The following KIAA1958 variants were observed in gnomAD, a reference collection of about 807,000 sequenced individuals.
KIAA1958 encodes uncharacterized protein KIAA1958.
KIAA1958 carries 14 observed loss-of-function variants against 47.2 expected under a neutral mutation model. The observed-to-expected ratio is 0.30, with a 90% CI of 0.20 to 0.46. The LOEUF is 0.46. Among genes scored for constraint, KIAA1958 ranks in the 20% least tolerant of loss-of-function variants. The pLI is 1.00. For synonymous variants in KIAA1958, 354 were observed against 353.3 expected (o/e 1.00, Z -0.02); for missense variants, 803 against 909.2 (o/e 0.88, Z 1.50).
At chr9:112,596,154 C>T (rs891034837) in intron 2 of KIAA1958, among the ~76,000 whole-genome samples, 1 of 151,970 alleles carries the variant, frequency 6.6e-6, no homozygotes, top group African/African-American at 2.4e-5. Context: ...GTGAAATGAC[C>T]GATTATAGTT....
At chr9:112,620,282 A>C (rs191587944) in intron 2 of KIAA1958, among the ~76,000 whole-genome samples, 1 of 152,362 alleles carries the variant, frequency 6.6e-6, no homozygotes, top group East Asian at 1.9e-4. Flanking sequence ...CAACACACAG[A>C]AACTCCAAAT....
chr9:112,596,898 C>G (rs1479833190), intron 2 of KIAA1958, among the ~76,000 whole-genome samples: 7 of 152,042 alleles, frequency 4.6e-5, no homozygotes, highest in Non-Finnish European at 1.5e-5. Flanking sequence ...TTGATCCTTA[C>G]TGATTAATAT....
chr9:112,573,969 A>C (rs1284941325), intron 1 of KIAA1958, 88 bp from the exon 2 acceptor site: 7 of 690,844 alleles, frequency 1.0e-5, no homozygotes, highest in African/African-American at 1.8e-5. Context: ...TTTATGCCAA[A>C]TGATCATATT....
Position 112,508,970 on chromosome 9 carries a change from T to G in KIAA1958, c.-25+21852T>G, listed in dbSNP as rs527737478. Among the ~76,000 whole-genome samples, 295 of 152,324 alleles carry G rather than the reference T, an allele frequency of 1.9e-3. 1 individual carries two copies. The highest frequency in any genetic ancestry group is 3.3e-3 in the Non-Finnish European group (225 of 68,028). On this transcript the variant is annotated intron_variant, in intron 1 of 3. Coordinates refer to ENST00000337530, the MANE Select transcript of KIAA1958 (RefSeq NM_133465.4). Reference sequence around the variant, plus strand: ...TTTATAGTCATTTCAGAAAGAAAATTATTTGATAAAGAAGATACTAAAACA... The same window carrying G: ...TTTATAGTCATTTCAGAAAGAAAATGATTTGATAAAGAAGATACTAAAACA...
At chr9:112,654,282 G>A (rs1041570585) in intron 3 of KIAA1958, among the ~76,000 whole-genome samples, 6 of 152,258 alleles carry the variant, frequency 3.9e-5, no homozygotes, top group African/African-American at 1.2e-4. Context: ...TTCAGGAACC[G>A]TTCCTCTCTT....
chr9:112,656,867 A>T (rs1417871853), intron 3 of KIAA1958, among the ~76,000 whole-genome samples: 1 of 152,118 alleles, frequency 6.6e-6, no homozygotes, highest in African/African-American at 2.4e-5. Flanking sequence ...TGTATAAAGT[A>T]TGTGATGTTC....
chr9:112,624,640 A>G (rs1314996732), intron 2 of KIAA1958, among the ~76,000 whole-genome samples: 1 of 152,220 alleles, frequency 6.6e-6, no homozygotes, highest in African/African-American at 2.4e-5. Flanking sequence ...CTGTTTGTAA[A>G]TTGACCAGTT....
At chr9:112,570,278 G>T (rs1397050173) in intron 1 of KIAA1958, among the ~76,000 whole-genome samples, 1 of 152,152 alleles carries the variant, frequency 6.6e-6, no homozygotes, top group African/African-American at 2.4e-5. Flanking sequence ...TTTTCTGCTG[G>T]AGGGCGTTTT....
intron 1 of KIAA1958, among the ~76,000 whole-genome samples, chr9:112,570,751 C>G (rs2806318): frequency 0.96 from 145,514 of 152,326 alleles, 69,581 homozygotes; most frequent in African/African-American, 0.99. Context: ...CATGAGAGGG[C>G]ATTTATTAGG....
At chr9:112,612,568 C>T (rs1836344198) in intron 2 of KIAA1958, among the ~76,000 whole-genome samples, 1 of 83,902 alleles carries the variant, frequency 1.2e-5, no homozygotes. Context: ...CTTGAAAAAG[C>T]ATTAAATCTT....
At chr9:112,653,741 A>T (rs1837100842) in intron 3 of KIAA1958, among the ~76,000 whole-genome samples, 2 of 152,140 alleles carry the variant, frequency 1.3e-5, no homozygotes, top group Non-Finnish European at 2.9e-5. Context: ...CTCTACTAAA[A>T]ATATAACAAT....
intron 1 of KIAA1958, among the ~76,000 whole-genome samples, chr9:112,570,052 T>G (rs749892811): frequency 6.6e-6 from 1 of 152,208 alleles, no homozygotes; most frequent in Non-Finnish European, 1.5e-5. Context: ...GGGAATGATT[T>G]TGAAAGTGCA....
intron 3 of KIAA1958, among the ~76,000 whole-genome samples, chr9:112,654,047 CTT>C (rs1837108139): frequency 6.6e-6 from 1 of 152,184 alleles, no homozygotes; most frequent in Non-Finnish European, 1.5e-5. Flanking sequence ...ATGGATTCTA[CTT>C]GATCGGAGAA....
chr9:112,552,518 C>A (rs1421910357), intron 1 of KIAA1958, among the ~76,000 whole-genome samples: 9 of 152,214 alleles, frequency 5.9e-5, no homozygotes, highest in Admixed American at 5.9e-4. Flanking sequence ...AGTCACTCTT[C>A]ACTTGAGAGG....
chr9:112,498,552 A>G (rs1341643729), intron 1 of KIAA1958, among the ~76,000 whole-genome samples: 1 of 148,318 alleles, frequency 6.7e-6, no homozygotes, highest in African/African-American at 2.4e-5. Flanking sequence ...AGATTCTTTT[A>G]AAGTTTTTTT....
At chr9:112,492,640 T>A (rs1270018578) in intron 1 of KIAA1958, among the ~76,000 whole-genome samples, 3 of 152,238 alleles carry the variant, frequency 2.0e-5, no homozygotes, top group African/African-American at 7.2e-5. Flanking sequence ...AGCAATATGA[T>A]CAACTCTATA....
At chr9:112,657,334 C>T (rs1837167594) in intron 3 of KIAA1958, among the ~76,000 whole-genome samples, 1 of 152,102 alleles carries the variant, frequency 6.6e-6, no homozygotes, top group Admixed American at 6.6e-5. Flanking sequence ...TCAAGTGATC[C>T]TCCTGCCTCA....
chr9:112,517,778 G>T (rs754316116), intron 1 of KIAA1958, among the ~76,000 whole-genome samples: 10 of 152,142 alleles, frequency 6.6e-5, no homozygotes, highest in Non-Finnish European at 1.3e-4. Flanking sequence ...ATGGGCAAAA[G>T]ATTTGAACAG....
At chr9:112,583,819 G>A (rs1174523360) in intron 2 of KIAA1958, among the ~76,000 whole-genome samples, 2 of 152,068 alleles carry the variant, frequency 1.3e-5, no homozygotes, top group Non-Finnish European at 2.9e-5. Flanking sequence ...ACACAGTAGT[G>A]GTTTTCTTCG....
Sources: allele counts gnomAD v4.1 joint callset (sites outside exome capture counted in the v4.1 genomes callset), GRCh38; gene constraint gnomAD v4.1.1; transcripts MANE v1.5; gene names NCBI Gene and HGNC (gene_info 2026-07-23, HGNC 2026-07-21).